Variants in PPM1F observed in about 807,000 individuals in gnomAD.
The protein encoded by PPM1F is protein phosphatase, Mg2+/Mn2+ dependent 1F.
A neutral mutation model predicts 35.5 loss-of-function variants in PPM1F; 17 were observed. The ratio of observed to expected loss-of-function variants is 0.48; its 90% CI spans 0.33 to 0.72. The LOEUF is 0.72. Among genes scored for constraint, PPM1F ranks in the 30% least tolerant of loss-of-function variants. The probability of loss-of-function intolerance (pLI) is 0.02; values close to 1 mark genes in which losing one functional copy is unlikely to be tolerated. For missense variants in PPM1F, 521 were observed against 613.0 expected (o/e 0.85, Z 1.59); for synonymous variants, 241 against 255.5 (o/e 0.94, Z 0.54).
At chr22:21,928,205 C>G (rs1249515633) in intron 6 of PPM1F, among the ~76,000 whole-genome samples, 1 of 152,146 alleles carries the variant, frequency 6.6e-6, no homozygotes. Flanking sequence ...TGTGAACAGC[C>G]ATTTCCTGCT....
chr22:21,932,196 G>A (rs1181234949), intron 5 of PPM1F, among the ~76,000 whole-genome samples: 2 of 152,166 alleles, frequency 1.3e-5, no homozygotes, highest in South Asian at 2.1e-4. Context: ...GAAGTGATCC[G>A]CCGGCCTCTG....
rs1476097503 is a variant in PPM1F at position 21,919,848 on chromosome 22, G to A, written c.*3244C>T. The A allele has an allele frequency of 6.6e-6, 1 of 152,362 alleles. No homozygotes were observed. Among genetic ancestry groups the A allele is most frequent in the Non-Finnish European group, 1.5e-5 (1 of 68,120 alleles). 9.4% of individuals were successfully genotyped at this position (152,362 alleles called of 1,614,324 possible). Reference sequence around the variant, plus strand: ...CCAGCCCTGGGAACACGGCTGAGACGGCCCGGTGCCCACGCTGGGCTCACC... The same window carrying A: ...CCAGCCCTGGGAACACGGCTGAGACAGCCCGGTGCCCACGCTGGGCTCACC... On this transcript the variant is annotated 3_prime_UTR_variant, in exon 8 of 8. Transcript: ENST00000263212.
chr22:21,933,912 G>T, intron 4 of PPM1F, 112 bp downstream of exon 4: 2 of 1,041,538 alleles, frequency 1.9e-6, no homozygotes, highest in Non-Finnish European at 2.8e-6. Flanking sequence ...GGGGCTGACG[G>T]GTGTCTCTCC....
chr22:21,937,975 A>C lies in PPM1F; in HGVS notation c.355+1557T>G, dbSNP rs577951811. ...TATAATACAATCCCCACTCTGACGC[A>C]ATTTTGTAAGAATGGCTTGGAGTCC... is the stretch of plus-strand genomic sequence containing the variant. On this transcript the variant is annotated intron_variant, in intron 3 of 7. Coordinates refer to ENST00000263212, the MANE Select transcript of PPM1F (RefSeq NM_014634.4). The C allele has an allele frequency of 7.7e-6, 6 of 776,468 alleles. No homozygotes were observed. The African/African-American group carries it at 1.1e-4, about 15-fold the overall frequency. The allele number at this position is 776,468 out of a possible 1,614,324, so 48.1% of individuals were successfully genotyped here.
intron 2 of PPM1F, 27 bp downstream of exon 2, chr22:21,945,816 G>A (rs766675994): frequency 5.6e-5 from 89 of 1,600,216 alleles, no homozygotes; most frequent in Non-Finnish European, 7.2e-5. Flanking sequence ...CTTACTCCCC[G>A]TCCCCTTTGG....
At chr22:21,940,924 G>A (rs547229032) in intron 2 of PPM1F, among the ~76,000 whole-genome samples, 66 of 152,230 alleles carry the variant, frequency 4.3e-4, no homozygotes, top group African/African-American at 1.5e-3. Context: ...TTAGAGACAG[G>A]GTCTTGCTCT....
chr22:21,928,727 T>G (rs1327345181), intron 6 of PPM1F, among the ~76,000 whole-genome samples: 1 of 152,164 alleles, frequency 6.6e-6, no homozygotes, highest in African/African-American at 2.4e-5. Context: ...GGAGGATCAC[T>G]TGGGGCACAC....
At chr22:21,925,546 G>A in intron 7 of PPM1F, 23 bp downstream of exon 7, 1 of 1,609,240 alleles carries the variant, frequency 6.2e-7, no homozygotes, top group Non-Finnish European at 8.5e-7. Context: ...TCTCCCACTT[G>A]GGTCGGCCTC....
At chr22:21,928,495 C>T (rs1375576732) in intron 6 of PPM1F, among the ~76,000 whole-genome samples, 1 of 152,216 alleles carries the variant, frequency 6.6e-6, no homozygotes, top group Admixed American at 6.5e-5. Context: ...TTCCTCCCAG[C>T]CTGGGGCAGT....
chr22:21,950,809 G>A (rs567406425), intron 1 of PPM1F: 1 of 151,872 alleles, frequency 6.6e-6, no homozygotes, highest in African/African-American at 2.4e-5. Context: ...ATTTTTAGTA[G>A]AGATGGGGTT....
intron 3 of PPM1F, chr22:21,936,648 G>A (rs7285559): frequency 0.1 from 15,964 of 152,254 alleles, 917 homozygotes; most frequent in Non-Finnish European, 0.12. Flanking sequence ...CCCTCTCATC[G>A]CTCAATCTGA....
chr22:21,952,249 C>A (rs1205415490), intron 1 of PPM1F: 1 of 152,290 alleles, frequency 6.6e-6, no homozygotes, highest in African/African-American at 2.4e-5. Context: ...GTGGCTGAAG[C>A]AGCTGCAGCC....
At chr22:21,927,086 G>A (rs542956199) in intron 6 of PPM1F, among the ~76,000 whole-genome samples, 2 of 152,332 alleles carry the variant, frequency 1.3e-5, no homozygotes, top group South Asian at 4.1e-4. Context: ...AGCTGAGGTG[G>A]AGAATCAAGC....
intron 6 of PPM1F, among the ~76,000 whole-genome samples, chr22:21,929,384 C>G (rs745853565): frequency 1.3e-5 from 2 of 152,212 alleles, no homozygotes; most frequent in Non-Finnish European, 2.9e-5. Context: ...CTGGGACACT[C>G]AATCCTTACC....
chr22:21,925,282 C>T (rs1601777207), intron 7 of PPM1F: 2 of 416,756 alleles, frequency 4.8e-6, no homozygotes, highest in South Asian at 1.9e-4. Context: ...ATTGGAAGCT[C>T]TACTTCCAGC....
chr22:21,940,888 T>C (rs2070717896), intron 2 of PPM1F, among the ~76,000 whole-genome samples: 1 of 152,088 alleles, frequency 6.6e-6, no homozygotes, highest in African/African-American at 2.4e-5. Context: ...AGCACTGCCA[T>C]TGGTCTGTGT....
intron 1 of PPM1F, chr22:21,948,651 G>A (rs970987830): frequency 2.6e-5 from 4 of 152,314 alleles, no homozygotes; most frequent in Admixed American, 2.0e-4. Context: ...GCTGCCCCCA[G>A]CAACTGCCAG....
chr22:21,925,772 G>T, intron 6 of PPM1F, 110 bp from the exon 7 acceptor site: 1 of 808,570 alleles, frequency 1.2e-6, no homozygotes. Context: ...AGCATTCAAA[G>T]CCGCAGCACT....
At chr22:21,931,403 G>T in intron 5 of PPM1F, 112 bp from the exon 6 acceptor site, 1 of 1,061,088 alleles carries the variant, frequency 9.4e-7, no homozygotes, top group Non-Finnish European at 1.3e-6. Context: ...ACTGTGGTGA[G>T]GAATCCACAG....
Sources: allele counts gnomAD v4.1 joint callset (sites outside exome capture counted in the v4.1 genomes callset), GRCh38; gene constraint gnomAD v4.1.1; transcripts MANE v1.5; gene names NCBI Gene and HGNC (gene_info 2026-07-23, HGNC 2026-07-21).